The following ECT2L variants were observed in gnomAD, a reference collection of about 807,000 sequenced individuals.
ECT2L encodes the protein epithelial cell-transforming sequence 2 oncogene-like.
ECT2L carries 126 observed loss-of-function variants against 122.8 expected under a neutral mutation model. That is an observed-to-expected ratio of 1.03 (90% confidence interval 0.89 to 1.19). The LOEUF (loss-of-function observed/expected upper bound fraction) is 1.19, where lower values mean the gene tolerates loss of function less well. Ranked by LOEUF, ECT2L falls within the 50% of genes most tolerant of loss-of-function variation. ECT2L has a pLI of 0.00. For synonymous variants in ECT2L, 385 were observed against 381.8 expected, an observed-to-expected ratio of 1.01 and a Z score of -0.10; for missense variants, 1,012 against 1,064.1, an observed-to-expected ratio of 0.95 and a Z score of 0.68.
At chr6:138,834,698 G>A (rs1309634755) in intron 4 of ECT2L, among the ~76,000 whole-genome samples, 1 of 152,146 alleles carries the variant, frequency 6.6e-6, no homozygotes, top group Non-Finnish European at 1.5e-5. Context: ...CTCAGGCAAT[G>A]AGGACAGTAA....
intron 19 of ECT2L, among the ~76,000 whole-genome samples, chr6:138,888,317 C>CTTT (rs71270363): frequency 7.8e-5 from 10 of 128,640 alleles, no homozygotes; most frequent in South Asian, 2.5e-4. Context: ...TTTTTCTTTT[C>CTTT]TTTTTTTTTT....
chr6:138,830,580 G>C (rs1005431129), intron 4 of ECT2L, among the ~76,000 whole-genome samples: 1 of 152,112 alleles, frequency 6.6e-6, no homozygotes, highest in East Asian at 1.9e-4. Context: ...TTTTAAGTCC[G>C]TATAGCTGCC....
At chr6:138,807,364 A>T (rs1775747194) in intron 1 of ECT2L, among the ~76,000 whole-genome samples, 1 of 152,226 alleles carries the variant, frequency 6.6e-6, no homozygotes, top group Non-Finnish European at 1.5e-5. Context: ...TAAAGGAGCC[A>T]ATCAGCACTT....
At chr6:138,813,459 C>T (rs1449981735) in intron 3 of ECT2L, 119 bp downstream of exon 3, 2 of 751,684 alleles carry the variant, frequency 2.7e-6, no homozygotes, top group African/African-American at 3.6e-5. Context: ...TTTAGCTTTT[C>T]AGTTTAAACA....
At chr6:138,882,081 C>T (rs1045644084) in intron 15 of ECT2L, among the ~76,000 whole-genome samples, 1 of 152,118 alleles carries the variant, frequency 6.6e-6, no homozygotes, top group African/African-American at 2.4e-5. Context: ...TTAGAAAGCC[C>T]AAGGCTGAGG....
intron 13 of ECT2L, among the ~76,000 whole-genome samples, chr6:138,870,773 C>T (rs1778226258): frequency 6.6e-6 from 1 of 152,248 alleles, no homozygotes; most frequent in African/African-American, 2.4e-5. Flanking sequence ...CTTTGGGAGG[C>T]CCAGGCGGGC....
At chr6:138,831,148 C>T (rs1342649354) in intron 4 of ECT2L, among the ~76,000 whole-genome samples, 3 of 152,202 alleles carry the variant, frequency 2.0e-5, no homozygotes, top group African/African-American at 4.8e-5. Context: ...CAATATCTCT[C>T]ATGTGTTCAA....
chr6:138,884,537 C>G (rs542315196), intron 16 of ECT2L, among the ~76,000 whole-genome samples: 5 of 152,046 alleles, frequency 3.3e-5, no homozygotes, highest in African/African-American at 1.2e-4. Context: ...ACTTGGGAGG[C>G]TGAGGCAGGA....
At chr6:138,833,720 T>A (rs1776728291) in intron 4 of ECT2L, among the ~76,000 whole-genome samples, 1 of 151,968 alleles carries the variant, frequency 6.6e-6, no homozygotes. Flanking sequence ...GAGAATCGCT[T>A]GAATCCAGAA....
intron 10 of ECT2L, among the ~76,000 whole-genome samples, chr6:138,860,320 T>C (rs1422153757): frequency 6.6e-6 from 1 of 152,198 alleles, no homozygotes; most frequent in Non-Finnish European, 1.5e-5. Flanking sequence ...TTTAATGTAA[T>C]ATATGAGATA....
At position 138,834,894 on chromosome 6, in the gene ECT2L, TACACACACACACACACAC is replaced by T. The variant is rs544584441; in HGVS notation, c.180-3433_180-3416del. On this transcript the variant is annotated intron_variant, in intron 4 of 21. Transcript: ENST00000541398. The stretch of plus-strand genomic sequence containing the variant: ...CCCGGCTCCATTCTTTGCCCCCGTT[TACACACACACACACACAC>T]ACACACACACACACACACACACACT... Among the ~76,000 whole-genome samples the T allele has an allele frequency of 5.8e-5, 8 of 137,422 alleles. No homozygotes were observed. The South Asian group carries it at 1.5e-3, about 26-fold the overall frequency. The allele number at this position is 137,422 out of a possible 152,430, so 90.2% of individuals were successfully genotyped here.
intron 20 of ECT2L, among the ~76,000 whole-genome samples, chr6:138,892,050 G>A (rs77078884): frequency 0.056 from 8,535 of 152,032 alleles, 438 homozygotes; most frequent in East Asian, 0.16. Flanking sequence ...TCTTCATCTG[G>A]TATTCCCATT....
chr6:138,859,215 T>C (rs1414371860), intron 10 of ECT2L, among the ~76,000 whole-genome samples: 2 of 152,208 alleles, frequency 1.3e-5, no homozygotes, highest in Non-Finnish European at 2.9e-5. Flanking sequence ...ATTTTAGATT[T>C]ACCCATCCGA....
At chr6:138,798,244 A>G (rs555028613) in intron 1 of ECT2L, among the ~76,000 whole-genome samples, 9 of 152,190 alleles carry the variant, frequency 5.9e-5, no homozygotes, top group Non-Finnish European at 1.2e-4. Context: ...TGATCACTCA[A>G]CTTGAGCCCT....
In ECT2L at chr6:138,824,139, G is replaced by T. The variant is rs115592766; in HGVS notation, c.179+9536G>T. ...TCTACTCAAGTGATAAAATGACACAGAACTGTATACACACATTGTACCAAT... is the reference window on the plus strand; with the variant it reads ...TCTACTCAAGTGATAAAATGACACATAACTGTATACACACATTGTACCAAT... On this transcript the variant is annotated intron_variant, in intron 4 of 21. Coordinates refer to ENST00000541398, the MANE Select transcript of ECT2L (RefSeq NM_001077706.3). 2.0e-3 allele frequency among the ~76,000 whole-genome samples: 307 copies of T among 152,238 alleles called. 3 individuals carry two copies. The highest frequency in any genetic ancestry group is 7.1e-3 in the African/African-American group (293 of 41,536).
intron 4 of ECT2L, among the ~76,000 whole-genome samples, chr6:138,824,919 C>T (rs1359894258): frequency 1.3e-5 from 2 of 152,160 alleles, no homozygotes; most frequent in African/African-American, 4.8e-5. Flanking sequence ...AACTCATTGG[C>T]CCTAAGTTAT....
chr6:138,813,463 T>C, intron 3 of ECT2L, 123 bp downstream of exon 3: 2 of 748,042 alleles, frequency 2.7e-6, no homozygotes, highest in Non-Finnish European at 4.2e-6. Context: ...GCTTTTCAGT[T>C]TAAACAAAAA....
chr6:138,861,208 T>C (rs1193769883), intron 10 of ECT2L, among the ~76,000 whole-genome samples: 5 of 152,212 alleles, frequency 3.3e-5, no homozygotes, highest in African/African-American at 1.2e-4. Flanking sequence ...TGTGTCTTTA[T>C]ACTAGAATGA....
intron 14 of ECT2L, 128 bp downstream of exon 14, chr6:138,876,686 CA>C: frequency 1.7e-6 from 1 of 587,692 alleles, no homozygotes. Flanking sequence ...AAAAAAACCT[CA>C]AAAATTATTA....
Sources: allele counts gnomAD v4.1 joint callset (sites outside exome capture counted in the v4.1 genomes callset), GRCh38; gene constraint gnomAD v4.1.1; transcripts MANE v1.5; gene names NCBI Gene and HGNC (gene_info 2026-07-23, HGNC 2026-07-21).